GSK3A: variants seen among roughly 807,000 people sequenced by gnomAD.
GSK3A encodes glycogen synthase kinase 3 alpha, also known as glycogen synthase kinase-3 alpha.
Under a neutral mutation model 56.6 loss-of-function variants are expected in GSK3A, and 14 were observed. The ratio of observed to expected loss-of-function variants is 0.25; its 90% CI spans 0.16 to 0.39. The LOEUF is 0.39. Ranked by LOEUF, GSK3A falls within the 10% of genes least tolerant of loss-of-function variation. The pLI, the probability that GSK3A is intolerant of heterozygous loss-of-function variation, is 1.00. For missense variants in GSK3A, 450 were observed against 656.0 expected (o/e 0.69, Z 3.43); for synonymous variants, 301 against 285.0 (o/e 1.06, Z -0.56).
chr19:42,239,962 C>G lies in GSK3A; in HGVS notation c.464G>C (p.Arg155Thr). The change falls in exon 2 of 11, where the codon AGG becomes ACG. Residue 155 changes from arginine to threonine, a missense_variant. Arg to Thr is a moderately conservative substitution (Grantham distance 71). Around this residue, in one of 3 missense-constraint regions of GSK3A, gnomAD observed 144 missense variants for 308.0 expected, o/e 0.47. Transcript: ENST00000222330. Reference protein sequence around the residue: ...VAIKKVLQDKRFKNRELQIMR... With the variant: ...VAIKKVLQDKTFKNRELQIMR... Reference sequence around the variant, plus strand: ...CCATCCCGCCCAAGCTACCTTGAACCTCTTGTCCTGGAGAACCTTCTTGAT... The same window carrying G: ...CCATCCCGCCCAAGCTACCTTGAACGTCTTGTCCTGGAGAACCTTCTTGAT... 1 of 1,614,076 alleles carries G rather than the reference C, an allele frequency of 6.2e-7. No individual in the cohort carries two copies. Among genetic ancestry groups the G allele is most frequent in the Non-Finnish European group, 8.5e-7 (1 of 1,179,926 alleles).
chr19:42,236,122 C>G (rs1280563106), intron 4 of GSK3A, among the ~76,000 whole-genome samples: 1 of 152,222 alleles, frequency 6.6e-6, no homozygotes, highest in South Asian at 2.1e-4. Context: ...GGGCACGATG[C>G]CAGGCACTGG....
At position 42,234,651 on chromosome 19, in the gene GSK3A, A is replaced by G. The variant is rs1020354740; in HGVS notation, c.694T>C (p.Leu232=). The change falls in exon 5 of 11, where the codon TTG becomes CTG. Residue 232 remains leucine, a synonymous_variant. Coordinates refer to ENST00000222330, the MANE Select transcript of GSK3A (RefSeq NM_019884.3). The surrounding 1 kb of genome is among the most constrained non-coding windows in gnomAD (Gnocchi z 5.7). ...ACGCCCTGGGAGTGGATGTAGGCCAAGCTGCGGAAGAGCTGGTACATGTAC... is the reference window on the plus strand; with the variant it reads ...ACGCCCTGGGAGTGGATGTAGGCCAGGCTGCGGAAGAGCTGGTACATGTAC... The part of the protein sequence containing the change: ...KVYMYQLFRS[L]AYIHSQGVCH... 1 of 1,610,482 alleles carries G rather than the reference A, an allele frequency of 6.2e-7. No individual in the cohort carries two copies. The highest frequency in any genetic ancestry group is 2.2e-5 in the East Asian group (1 of 44,738).
At chr19:42,238,615 A>T (rs1480807201) in intron 2 of GSK3A, among the ~76,000 whole-genome samples, 1 of 133,060 alleles carries the variant, frequency 7.5e-6, no homozygotes, top group Non-Finnish European at 1.7e-5. Context: ...TCAAAAAAAA[A>T]AAAAAAAAAA....
At chr19:42,241,198 G>A (rs2036289435) in intron 1 of GSK3A, 1 of 151,872 alleles carries the variant, frequency 6.6e-6, no homozygotes, top group East Asian at 1.9e-4. Context: ...GGTTCCACCA[G>A]TTGGCCAGGC....
Position 42,240,064 on chromosome 19 carries a change from T to C in GSK3A, c.362A>G (p.Asp121Gly). Residue 121 changes from aspartate (D) to glycine (G), a missense_variant, in exon 2 of 11, where the codon GAC becomes GGC. This residue lies in a region of GSK3A where 193 missense variants were observed against 200.5 expected (regional missense o/e 0.96). Coordinates refer to ENST00000222330, the MANE Select transcript of GSK3A (RefSeq NM_019884.3). ...TGAGCCATTGCCAATCACTTTGATG[T>C]CCGTGTAAGCCACTTCTTGGGAGCG... Reference protein sequence around the residue: ...PERSQEVAYTDIKVIGNGSFG... With the variant: ...PERSQEVAYTGIKVIGNGSFG... The C allele has an allele frequency of 6.2e-7, 1 of 1,614,202 alleles. No homozygotes were observed. The highest frequency in any genetic ancestry group is 8.5e-7 in the Non-Finnish European group (1 of 1,180,026).
chr19:42,242,454 G>A lies in GSK3A; in HGVS notation c.12C>T (p.Gly4=). Residue 4 remains glycine, a synonymous_variant, in exon 1 of 11, where the codon GGC becomes GGT. Transcript: ENST00000222330. The part of the protein sequence containing the change: MSG[G]GPSGGGPGGS... The stretch of plus-strand genomic sequence containing the variant: ...CCCCAGGGCCGCCTCCCGAAGGCCC[G>A]CCGCCGCTCATGGCGCCGAGCACAG... 2 of 1,244,774 alleles carry A rather than the reference G, an allele frequency of 1.6e-6. No homozygotes were observed. The highest frequency in any genetic ancestry group is 2.0e-6 in the Non-Finnish European group (2 of 993,772). The allele number at this position is 1,244,774 out of a possible 1,614,324, so 77.1% of individuals were successfully genotyped here.
Position 42,242,370 on chromosome 19 carries a change from G to C in GSK3A, c.96C>G (p.Gly32=). 7.2e-7 allele frequency: 1 copy of C among 1,393,362 alleles called. No homozygotes were observed. The allele number at this position is 1,393,362 out of a possible 1,614,324, so 86.3% of individuals were successfully genotyped here. The change falls in exon 1 of 11, where the codon GGC becomes GGG. Residue 32 remains glycine, a synonymous_variant. Coordinates refer to ENST00000222330, the MANE Select transcript of GSK3A (RefSeq NM_019884.3). ...AGGCCGAGCCTCCGGGGCCGCCGCC[G>C]CCTCCTCCGCCTCCGCCGCCGGGCT... ...FAEPGGGGGG[G]GGGPGGSASG... is the part of the protein sequence containing the mutation.
In GSK3A at chr19:42,234,745, G is replaced by T; in HGVS notation, c.667-67C>A. On this transcript the variant is annotated intron_variant, in intron 4 of 10. Coordinates refer to ENST00000222330, the MANE Select transcript of GSK3A (RefSeq NM_019884.3). The surrounding 1 kb of genome is among the most constrained non-coding windows in gnomAD (Gnocchi z 5.7). ...CCCATACAGCACCACTACCCCACCA[G>T]CTTGGCCTGAAGAGCCCTTCCAGGC... The T allele has an allele frequency of 4.8e-6, 7 of 1,455,586 alleles. No individual in the cohort carries two copies. The highest frequency in any genetic ancestry group is 4.6e-6 in the Non-Finnish European group (5 of 1,096,160). The allele number at this position is 1,455,586 out of a possible 1,614,324, so 90.2% of individuals were successfully genotyped here.
intron 1 of GSK3A, chr19:42,240,380 T>A: frequency 1.7e-6 from 1 of 586,248 alleles, no homozygotes; most frequent in South Asian, 2.1e-5. Context: ...TACCTAAATC[T>A]CTCTGCTTCA....
chr19:42,240,242 G>T (rs577610989), intron 1 of GSK3A, 100 bp from the exon 2 acceptor site: 4 of 1,094,714 alleles, frequency 3.7e-6, no homozygotes, highest in Non-Finnish European at 5.6e-6. Flanking sequence ...CAGGAAGCTC[G>T]TTGGGGACCT....
intron 6 of GSK3A, among the ~76,000 whole-genome samples, chr19:42,233,769 A>T (rs1380787061): frequency 6.6e-6 from 1 of 152,136 alleles, no homozygotes; most frequent in Non-Finnish European, 1.5e-5. Context: ...TCTCCTGCCC[A>T]TGAGAAGAGC....
rs1209758492 is a variant in GSK3A, at chr19:42,230,781, C to T, written c.*13G>A. 3.9e-6 allele frequency: 6 copies of T among 1,548,434 alleles called. No homozygotes were observed. Among genetic ancestry groups the T allele is most frequent in the Middle Eastern group, 1.7e-4 (1 of 5,970 alleles). On this transcript the variant is annotated 3_prime_UTR_variant, in exon 11 of 11. Coordinates refer to ENST00000222330, the MANE Select transcript of GSK3A (RefSeq NM_019884.3). ...GCTCCCAGATGGAAGTGGAAGGGTG[C>T]TTGGTGGGGCCCTCAGGAGGAGTTA...
At chr19:42,238,955 T>G (rs944657162) in intron 2 of GSK3A, among the ~76,000 whole-genome samples, 20 of 150,598 alleles carry the variant, frequency 1.3e-4, no homozygotes, top group African/African-American at 4.7e-4. Context: ...GGTGACAGAG[T>G]AAGACTCCAT....
Position 42,232,057 on chromosome 19 carries a change from C to G in GSK3A, c.1378G>C (p.Ala460Pro), listed in dbSNP as rs376057161. 11 of 1,582,838 alleles carry G rather than the reference C, an allele frequency of 6.9e-6. No homozygotes were observed. Among genetic ancestry groups the G allele is most frequent in the Non-Finnish European group, 8.7e-6 (10 of 1,153,234 alleles). Residue 460 changes from alanine to proline, a missense_variant and splice_region_variant, in exon 10 of 11, where the codon GCT becomes CCT. By Grantham distance (27) the Ala-to-Pro change is conservative (BLOSUM62 -1). Transcript: ENST00000222330. ...CCCCCAGCAGATGGTCCCCACTTAC[C>G]TTGTGAGGACGGGGTGAGGGTGGTA... ...GTTTLTPSSQ[A>P]LTETPTSSDW...
rs774172934 is a variant in GSK3A, at chr19:42,236,675, G to A, written c.597C>T (p.Pro199=). Residue 199 remains proline (P), a synonymous_variant, in exon 4 of 11, where the codon CCC becomes CCT. Transcript: ENST00000222330. ...LYLNLVLEYV[P]ETVYRVARHF... is the part of the protein sequence containing the mutation. ...GGCGGGCCACCCGGTACACTGTCTCGGGCACATATTCCAGCACCAGATTTA... is the reference window on the plus strand; with the variant it reads ...GGCGGGCCACCCGGTACACTGTCTCAGGCACATATTCCAGCACCAGATTTA... The A allele has an allele frequency of 1.5e-5, 24 of 1,613,830 alleles. No homozygotes were observed. Among genetic ancestry groups the A allele is most frequent in the African/African-American group, 5.3e-5 (4 of 74,892 alleles).
chr19:42,237,879 T>A (rs535451872), intron 2 of GSK3A, among the ~76,000 whole-genome samples: 268 of 151,040 alleles, frequency 1.8e-3, no homozygotes, highest in Middle Eastern at 3.4e-3. Context: ...TCTCAAAAAA[T>A]AATAATAATA....
At chr19:42,236,819 T>C in intron 3 of GSK3A, 39 bp downstream of exon 3, 1 of 1,539,036 alleles carries the variant, frequency 6.5e-7, no homozygotes, top group Non-Finnish European at 9.0e-7. Context: ...GGCAGGAAAA[T>C]GGCTGGAGCA....
At chr19:42,233,855 C>T (rs2036240594) in intron 6 of GSK3A, among the ~76,000 whole-genome samples, 1 of 152,174 alleles carries the variant, frequency 6.6e-6, no homozygotes, top group African/African-American at 2.4e-5. Flanking sequence ...AAGGACTCCA[C>T]AGTTCGTCAT....
chr19:42,234,177 C>T lies in GSK3A; in HGVS notation c.904+176G>A, dbSNP rs1403105887. ...GTGCCAGTGCGGGCAGGCGGCCTCACAGCTCTAAGCTCATCTGTAAAATTA... is the reference window on the plus strand; with the variant it reads ...GTGCCAGTGCGGGCAGGCGGCCTCATAGCTCTAAGCTCATCTGTAAAATTA... On this transcript the variant is annotated intron_variant, in intron 6 of 10. Transcript: ENST00000222330. The surrounding 1 kb of genome is among the most constrained non-coding windows in gnomAD (Gnocchi z 5.7). 1.3e-5 allele frequency among the ~76,000 whole-genome samples: 2 copies of T among 152,198 alleles called. No homozygotes were observed. Among genetic ancestry groups the T allele is most frequent in the Non-Finnish European group, 2.9e-5 (2 of 68,034 alleles).
Sources: gnomAD v4.1 joint callset for allele counts (sites outside exome capture counted in the v4.1 genomes callset) on GRCh38, gnomAD v4.1.1 for gene constraint, gnomAD v4.1.1 regional missense constraint, Gnocchi (gnomAD v3.1) non-coding constraint, MANE v1.5 for transcripts, NCBI Gene and HGNC (gene_info 2026-07-23, HGNC 2026-07-21) for gene names.